Variants in ZMAT4 observed in about 807,000 individuals in gnomAD.
ZMAT4 encodes zinc finger matrin-type 4.
ZMAT4 carries 17 observed loss-of-function variants against 28.7 expected under a neutral mutation model. That is an observed-to-expected ratio of 0.59 (90% confidence interval 0.41 to 0.89). The LOEUF is 0.89. Ranked by LOEUF, ZMAT4 falls within the 40% of genes least tolerant of loss-of-function variation. ZMAT4 has a pLI of 0.00. For synonymous variants in ZMAT4, 117 were observed against 109.2 expected, an observed-to-expected ratio of 1.07 and a Z score of -0.44; for missense variants, 240 against 283.8, an observed-to-expected ratio of 0.85 and a Z score of 1.11.
At chr8:40,557,371 C>A (rs1390169885) in intron 6 of ZMAT4, among the ~76,000 whole-genome samples, 7 of 152,152 alleles carry the variant, frequency 4.6e-5, no homozygotes, top group Admixed American at 4.6e-4. Flanking sequence ...TAGCTCCTAC[C>A]TCCTGCTAAT....
At chr8:40,891,878 A>G (rs893233938) in intron 1 of ZMAT4, among the ~76,000 whole-genome samples, 2 of 152,186 alleles carry the variant, frequency 1.3e-5, no homozygotes, top group Non-Finnish European at 2.9e-5. Context: ...TCAGGGCTAC[A>G]CACAGAATGG....
intron 1 of ZMAT4, among the ~76,000 whole-genome samples, chr8:40,874,558 A>T (rs993261474): frequency 6.6e-6 from 1 of 152,182 alleles, no homozygotes; most frequent in African/African-American, 2.4e-5. Flanking sequence ...TAAACTACAC[A>T]CATGCATCTT....
At chr8:40,852,408 T>G (rs1399034060) in intron 1 of ZMAT4, among the ~76,000 whole-genome samples, 1 of 152,258 alleles carries the variant, frequency 6.6e-6, no homozygotes, top group Non-Finnish European at 1.5e-5. Flanking sequence ...AAATCCCTTG[T>G]ATGTCTGCCT....
chr8:40,593,785 CCTCT>C (rs1331368266), intron 5 of ZMAT4, among the ~76,000 whole-genome samples: 1 of 152,112 alleles, frequency 6.6e-6, no homozygotes, highest in African/African-American at 2.4e-5. Flanking sequence ...TCTCTCTTAC[CCTCT>C]CTGCCATTCA....
chr8:40,655,751 G>T (rs750239140), intron 5 of ZMAT4, among the ~76,000 whole-genome samples: 2 of 152,030 alleles, frequency 1.3e-5, no homozygotes, highest in Non-Finnish European at 2.9e-5. Flanking sequence ...AATTCCACAT[G>T]CAAAAGAATA....
intron 2 of ZMAT4, 62 bp from the exon 3 acceptor site, chr8:40,767,792 C>G: frequency 7.3e-7 from 1 of 1,362,080 alleles, no homozygotes; most frequent in African/African-American, 1.5e-5. Flanking sequence ...CCTTTGAAAC[C>G]TAGCCAGTGC....
At chr8:40,828,468 G>A (rs575864282) in intron 1 of ZMAT4, among the ~76,000 whole-genome samples, 21 of 151,814 alleles carry the variant, frequency 1.4e-4, no homozygotes, top group Admixed American at 1.0e-3. Context: ...GGTACGTGTC[G>A]GACCAAGCAG....
At chr8:40,795,551 T>C (rs985483206) in intron 2 of ZMAT4, among the ~76,000 whole-genome samples, 5 of 152,192 alleles carry the variant, frequency 3.3e-5, no homozygotes, top group Admixed American at 6.5e-5. Flanking sequence ...GCTTCCTCCC[T>C]GGGGGCTCCT....
At chr8:40,609,461 C>A (rs1475588510) in intron 5 of ZMAT4, among the ~76,000 whole-genome samples, 1 of 152,136 alleles carries the variant, frequency 6.6e-6, no homozygotes, top group East Asian at 1.9e-4. Flanking sequence ...TCACCTTGAG[C>A]ATCCTGAGGG....
At chr8:40,684,190 A>T (rs1055832976) in intron 4 of ZMAT4, among the ~76,000 whole-genome samples, 1 of 152,230 alleles carries the variant, frequency 6.6e-6, no homozygotes, top group Admixed American at 6.5e-5. Context: ...ATAGCAAAAG[A>T]AAAAGAAAAG....
intron 3 of ZMAT4, among the ~76,000 whole-genome samples, chr8:40,725,115 G>A (rs1811266485): frequency 6.6e-6 from 1 of 152,178 alleles, no homozygotes; most frequent in Admixed American, 6.5e-5. Context: ...CCATCAGGAG[G>A]GAAGTCATCA....
At position 40,597,345 on chromosome 8, in the gene ZMAT4, T is replaced by C. The variant is rs368648955; in HGVS notation, c.578-16084A>G. 4.0e-4 allele frequency among the ~76,000 whole-genome samples: 61 copies of C among 152,270 alleles called. 1 individual carries two copies. The highest frequency in any genetic ancestry group is 1.3e-3 in the African/African-American group (55 of 41,560). Reference sequence around the variant, plus strand: ...AACTCTTGTGTTGACAATTGTCTAGTGGAGGTGAGAAGAGCAGAAGGAGAG... The same window carrying C: ...AACTCTTGTGTTGACAATTGTCTAGCGGAGGTGAGAAGAGCAGAAGGAGAG... On this transcript the variant is annotated intron_variant, in intron 5 of 6. Coordinates refer to ENST00000297737, the MANE Select transcript of ZMAT4 (RefSeq NM_024645.3).
intron 1 of ZMAT4, among the ~76,000 whole-genome samples, chr8:40,839,357 T>C (rs1020372692): frequency 2.0e-5 from 3 of 152,206 alleles, no homozygotes; most frequent in Non-Finnish European, 4.4e-5. Flanking sequence ...GCATTTTGTC[T>C]AGAATGGCAA....
At chr8:40,867,117 TC>T (rs1440264568) in intron 1 of ZMAT4, among the ~76,000 whole-genome samples, 2 of 152,156 alleles carry the variant, frequency 1.3e-5, no homozygotes, top group African/African-American at 4.8e-5. Flanking sequence ...GCAATGGATT[TC>T]CCCCTAGACC....
intron 5 of ZMAT4, among the ~76,000 whole-genome samples, chr8:40,594,878 T>C (rs1805035951): frequency 6.6e-6 from 1 of 152,228 alleles, no homozygotes; most frequent in African/African-American, 2.4e-5. Flanking sequence ...TGGCATATAT[T>C]TGAATGGAAA....
At chr8:40,879,802 T>C (rs554238242) in intron 1 of ZMAT4, among the ~76,000 whole-genome samples, 2 of 152,362 alleles carry the variant, frequency 1.3e-5, no homozygotes, top group South Asian at 2.1e-4. Flanking sequence ...CATAGACATA[T>C]TCCATTAGCC....
intron 2 of ZMAT4, among the ~76,000 whole-genome samples, chr8:40,796,317 A>G (rs1814598213): frequency 6.6e-6 from 1 of 152,178 alleles, no homozygotes; most frequent in Non-Finnish European, 1.5e-5. Context: ...GCCATGCCAC[A>G]TTTTCCTTCC....
intron 3 of ZMAT4, among the ~76,000 whole-genome samples, chr8:40,730,499 C>T (rs184490281): frequency 1.5e-3 from 232 of 152,214 alleles, no homozygotes; most frequent in African/African-American, 5.4e-3. Flanking sequence ...TTTATTTGCC[C>T]AATCTAACAC....
At chr8:40,640,772 C>A (rs1463790765) in intron 5 of ZMAT4, among the ~76,000 whole-genome samples, 2 of 151,694 alleles carry the variant, frequency 1.3e-5, no homozygotes, top group African/African-American at 4.8e-5. Context: ...GCAGCCTAGC[C>A]AACATGGTGA....
Sources: allele counts gnomAD v4.1 joint callset (sites outside exome capture counted in the v4.1 genomes callset), GRCh38; gene constraint gnomAD v4.1.1; transcripts MANE v1.5; gene names NCBI Gene and HGNC (gene_info 2026-07-23, HGNC 2026-07-21).